Variants in TUBA3E observed in about 807,000 individuals in gnomAD.
TUBA3E encodes tubulin alpha-3E chain.
TUBA3E carries 21 observed loss-of-function variants against 36.7 expected under a neutral mutation model. The ratio of observed to expected loss-of-function variants is 0.57; its 90% CI spans 0.41 to 0.83. TUBA3E has a LOEUF of 0.83. Ranked by LOEUF, TUBA3E falls within the 40% of genes least tolerant of loss-of-function variation. The pLI is 0.00. For synonymous variants in TUBA3E, 177 were observed against 241.9 expected (o/e 0.73, Z 2.49); for missense variants, 469 against 604.2 (o/e 0.78, Z 2.35).
At chr2:130,193,703 C>T (rs1356592081) in intron 4 of TUBA3E, 83 bp downstream of exon 4, 1 of 1,529,266 alleles carries the variant, frequency 6.5e-7, no homozygotes, top group Non-Finnish European at 8.8e-7. Context: ...GGATAGTCTC[C>T]CCAAAGGATG....
intron 1 of TUBA3E, among the ~76,000 whole-genome samples, chr2:130,198,029 T>C (rs1285480679): frequency 2.4e-5 from 3 of 123,464 alleles, no homozygotes; most frequent in African/African-American, 5.8e-5. Context: ...TCCTCAGCTG[T>C]TTCCAGTAGC....
chr2:130,194,601 C>T, intron 3 of TUBA3E, 135 bp from the exon 4 acceptor site: 1 of 1,203,488 alleles, frequency 8.3e-7, no homozygotes, highest in African/African-American at 1.5e-5. Flanking sequence ...ATGCAATACA[C>T]TTTGAAGCAA....
chr2:130,193,782 A>G lies in TUBA3E; in HGVS notation c.1056+4T>C. 6.3e-7 allele frequency: 1 copy of G among 1,599,218 alleles called. No homozygotes were observed. Among genetic ancestry groups the G allele is most frequent in the Non-Finnish European group, 8.5e-7 (1 of 1,169,946 alleles). On this transcript the variant is annotated splice_donor_region_variant and intron_variant, in intron 4 of 4. Transcript: ENST00000312988. ...TGAAAGGCCTCCATGTCACCCAGTC[A>G]TACCTTAAATCCAGTCGGGCACCAA... is the stretch of plus-strand genomic sequence containing the variant.
In TUBA3E at chr2:130,195,175, G is replaced by A; in HGVS notation, c.279C>T (p.Ile93=). Residue 93 remains isoleucine (I), a synonymous_variant, in exon 3 of 5, where the codon ATC becomes ATT. Coordinates refer to ENST00000312988, the MANE Select transcript of TUBA3E (RefSeq NM_207312.3). ...TACTGGCTGCATCTTCCTTCCCGGT[G>A]ATCAGCTGCTCTGGGTGGAAGAGCT... ...YRQLFHPEQL[I]TGKEDAASNY... 6.2e-7 allele frequency: 1 copy of A among 1,614,000 alleles called. No individual in the cohort carries two copies. Among genetic ancestry groups the A allele is most frequent in the Non-Finnish European group, 8.5e-7 (1 of 1,180,006 alleles).
Position 130,194,264 on chromosome 2 carries a change from G to A in TUBA3E, c.578C>T (p.Thr193Met), listed in dbSNP as rs775369931. 3.3e-5 allele frequency: 51 copies of A among 1,551,466 alleles called. No homozygotes were observed. In the African/African-American group the frequency reaches 3.6e-4, roughly 11 times the overall value. The change falls in exon 4 of 5, where the codon ACG becomes ATG. Residue 193 changes from threonine to methionine, a missense_variant. By Grantham distance (81) the Thr-to-Met change is moderately conservative. Coordinates refer to ENST00000312988, the MANE Select transcript of TUBA3E (RefSeq NM_207312.3). ...GGCACAGTCAGAATGTTCCAGGGTCGTGTGGGTGGTTAGGATGGAGTTGTA... is the reference window on the plus strand; with the variant it reads ...GGCACAGTCAGAATGTTCCAGGGTCATGTGGGTGGTTAGGATGGAGTTGTA... ...EPYNSILTTH[T>M]TLEHSDCAFM...
In TUBA3E at chr2:130,191,845, C is replaced by T. The variant is rs1319030791; in HGVS notation, c.1339G>A (p.Gly447Ser). Residue 447 changes from glycine (G) to serine (S), a missense_variant, in exon 5 of 5, where the codon GGC (glycine) becomes AGC (serine). By Grantham distance (56) the Gly-to-Ser change is moderately conservative. Transcript: ENST00000312988. The stretch of plus-strand genomic sequence containing the variant: ...ACACCCTCCCCTCAGTATGCTTCGC[C>T]TTCTTCAGCCTCAGCTTCCACGGAA... ...VDSVEAEAEE[G>S]EAY 2.5e-6 allele frequency: 4 copies of T among 1,604,510 alleles called. No individual in the cohort carries two copies. Among genetic ancestry groups the T allele is most frequent in the Middle Eastern group, 3.3e-4 (2 of 6,004 alleles).
intron 2 of TUBA3E, among the ~76,000 whole-genome samples, chr2:130,195,574 C>A (rs2104753513): frequency 6.6e-6 from 1 of 152,360 alleles, no homozygotes; most frequent in African/African-American, 2.4e-5. Flanking sequence ...ACAACCTGGG[C>A]AGTCACCAGG....
intron 1 of TUBA3E, among the ~76,000 whole-genome samples, chr2:130,197,148 C>G (rs1441927447): frequency 6.6e-6 from 1 of 152,186 alleles, no homozygotes; most frequent in Non-Finnish European, 1.5e-5. Context: ...TAATGGCTCC[C>G]AGACATCATC....
chr2:130,197,112 T>C (rs1402808698), intron 1 of TUBA3E, among the ~76,000 whole-genome samples: 2 of 152,096 alleles, frequency 1.3e-5, no homozygotes, highest in Non-Finnish European at 2.9e-5. Flanking sequence ...CCACGCCCTC[T>C]CTCTACCCCT....
rs149720931 is a variant in TUBA3E, at chr2:130,192,063, G to A, written c.1121C>T (p.Ala374Val). The A allele has an allele frequency of 2.2e-4, 359 of 1,613,524 alleles. No individual in the cohort carries two copies. The African/African-American group carries it at 4.1e-3, about 19-fold the overall frequency. Residue 374 changes from alanine (A) to valine (V), a missense_variant, in exon 5 of 5, where the codon GCC (alanine) becomes GTC (valine). By Grantham distance (64) the Ala-to-Val change is moderately conservative. Coordinates refer to ENST00000312988, the MANE Select transcript of TUBA3E (RefSeq NM_207312.3). Reference sequence around the variant, plus strand: ...CGTGGTGTTGCTCAGCATGCACACGGCCCGCTGCACCTTGGCCAGGTCTCC... The same window carrying A: ...CGTGGTGTTGCTCAGCATGCACACGACCCGCTGCACCTTGGCCAGGTCTCC... Reference protein sequence around the residue: ...PGGDLAKVQRAVCMLSNTTAI... With the variant: ...PGGDLAKVQRVVCMLSNTTAI...
chr2:130,192,042 G>T lies in TUBA3E; in HGVS notation c.1142C>A (p.Thr381Asn). The T allele has an allele frequency of 6.2e-7, 1 of 1,614,162 alleles. No homozygotes were observed. The highest frequency in any genetic ancestry group is 1.1e-5 in the South Asian group (1 of 91,078). ...VQRAVCMLSN[T>N]TAIAEAWARL... The stretch of plus-strand genomic sequence containing the variant: ...GGCCCAGGCCTCCGCAATGGCCGTG[G>T]TGTTGCTCAGCATGCACACGGCCCG... Residue 381 changes from threonine (T) to asparagine (N), a missense_variant, in exon 5 of 5, where the codon ACC becomes AAC. Physicochemically the swap from Thr to Asn is moderately conservative, Grantham distance 65. Transcript: ENST00000312988.
At position 130,191,871 on chromosome 2, in the gene TUBA3E, T is replaced by G. The variant is rs1284299052; in HGVS notation, c.1313A>C (p.Asp438Ala). The G allele has an allele frequency of 6.2e-7, 1 of 1,613,234 alleles. No individual in the cohort carries two copies. The highest frequency in any genetic ancestry group is 8.5e-7 in the Non-Finnish European group (1 of 1,179,560). The change falls in exon 5 of 5, where the codon GAT becomes GCT. Residue 438 changes from aspartate (D) to alanine (A), a missense_variant. By Grantham distance (126) the Asp-to-Ala change is moderately radical (BLOSUM62 -2). This residue lies in a region of TUBA3E where 296 missense variants were observed against 346.9 expected (regional missense o/e 0.85). Transcript: ENST00000312988. ...TTCTTCAGCCTCAGCTTCCACGGAA[T>G]CCACGCCCACCTCTTCACAATCCTT... is the stretch of plus-strand genomic sequence containing the variant. ...LEKDCEEVGV[D>A]SVEAEAEEGE...
chr2:130,196,293 G>C lies in TUBA3E; in HGVS notation c.82C>G (p.His28Asp), dbSNP rs958672446. 1.2e-6 allele frequency: 2 copies of C among 1,613,986 alleles called. No homozygotes were observed. Among genetic ancestry groups the C allele is most frequent in the African/African-American group, 2.7e-5 (2 of 74,932 alleles). The change falls in exon 2 of 5, where the codon CAT becomes GAT. Residue 28 changes from histidine (H) to aspartate (D), a missense_variant. Physicochemically the swap from His to Asp is moderately conservative, Grantham distance 81 (BLOSUM62 -1). This residue lies in a region of TUBA3E where 169 missense variants were observed against 239.0 expected (regional missense o/e 0.71). Transcript: ENST00000312988. ...ATTTGACCATCGGGCTGAATTCCAT[G>C]TTCAAGGCAGTACAGTTCCCAGCAG... ...NACWELYCLE[H>D]GIQPDGQMPS...
In TUBA3E at chr2:130,191,796, A is replaced by C; in HGVS notation, c.*35T>G. ...CAAACAACTTGAAAGCAGCCATCCT[A>C]GGGGTGGCAGGGGAGAACCCACCAC... On this transcript the variant is annotated 3_prime_UTR_variant, in exon 5 of 5. Transcript: ENST00000312988. 1 of 1,586,332 alleles carries C rather than the reference A, an allele frequency of 6.3e-7. No individual in the cohort carries two copies. The highest frequency in any genetic ancestry group is 8.6e-7 in the Non-Finnish European group (1 of 1,166,386).
At position 130,193,900 on chromosome 2, in the gene TUBA3E, G is replaced by A; in HGVS notation, c.942C>T (p.Ala314=). Residue 314 remains alanine (A), a synonymous_variant, in exon 4 of 5, where the codon GCC becomes GCT. Transcript: ENST00000312988. ...KCDPRHGKYM[A]CCMLYRGDVV... The stretch of plus-strand genomic sequence containing the variant: ...CGTCCCCCCTGTACAACATGCAGCA[G>A]GCCATGTACTTGCCATGGCGAGGGT... 1 of 1,614,238 alleles carries A rather than the reference G, an allele frequency of 6.2e-7. No individual in the cohort carries two copies. The highest frequency in any genetic ancestry group is 8.5e-7 in the Non-Finnish European group (1 of 1,180,046).
rs1273162122 is a variant in TUBA3E at position 130,197,476 on chromosome 2, T to G, written c.3+882A>C. On this transcript the variant is annotated intron_variant, in intron 1 of 4. Coordinates refer to ENST00000312988, the MANE Select transcript of TUBA3E (RefSeq NM_207312.3). ...TGTTCCAGCCTGGGCAACAGAGCATTTATTGAGTGCTGTCTCAAAAAAAAA... is the reference window on the plus strand; with the variant it reads ...TGTTCCAGCCTGGGCAACAGAGCATGTATTGAGTGCTGTCTCAAAAAAAAA... 1.9e-5 allele frequency among the ~76,000 whole-genome samples: 2 copies of G among 104,282 alleles called. 1 individual carries two copies. The highest frequency in any genetic ancestry group is 4.0e-5 in the Non-Finnish European group (2 of 50,592). The allele number at this position is 104,282 out of a possible 152,430, so 68.4% of individuals were successfully genotyped here.
chr2:130,193,375 G>A (rs1337510661), intron 4 of TUBA3E, among the ~76,000 whole-genome samples: 2 of 152,016 alleles, frequency 1.3e-5, no homozygotes, highest in Non-Finnish European at 2.9e-5. Flanking sequence ...TTGGGAGGCT[G>A]AGGCAGGCAG....
intron 4 of TUBA3E, among the ~76,000 whole-genome samples, chr2:130,192,585 GCA>G (rs1690293239): frequency 6.6e-6 from 1 of 152,224 alleles, no homozygotes; most frequent in Admixed American, 6.5e-5. Flanking sequence ...TGCAAAGGTA[GCA>G]GATCATGGGT....
intron 1 of TUBA3E, among the ~76,000 whole-genome samples, chr2:130,198,015 C>G (rs2443648): frequency 0.025 from 3,080 of 122,664 alleles, 775 homozygotes; most frequent in African/African-American, 0.083. Context: ...AAGGCTCCTG[C>G]AGCTCCTCAG....
Sources: allele counts gnomAD v4.1 joint callset (sites outside exome capture counted in the v4.1 genomes callset), GRCh38; gene constraint gnomAD v4.1.1; regional missense constraint gnomAD v4.1.1; transcripts MANE v1.5; gene names NCBI Gene and HGNC (gene_info 2026-07-23, HGNC 2026-07-21).